Variants in FANCB observed in about 807,000 individuals in gnomAD.
FANCB encodes FA complementation group B.
FANCB carries 5 observed loss-of-function variants against 38.9 expected under a neutral mutation model. The observed-to-expected ratio is 0.13, with a 90% CI of 0.07 to 0.27. FANCB has a LOEUF of 0.27. Among genes scored for constraint, FANCB ranks in the 10% least tolerant of loss-of-function variants. The pLI is 1.00. For missense variants in FANCB, 573 were observed against 602.7 expected (o/e 0.95, Z 0.52); for synonymous variants, 236 against 215.4 (o/e 1.10, Z -0.84).
intron 7 of FANCB, among the ~76,000 whole-genome samples, chrX:14,847,473 G>A (rs1001559497): frequency 3.6e-5 from 4 of 110,811 alleles, no homozygotes; most frequent in Non-Finnish European, 7.6e-5. Flanking sequence ...TGAAAGAGAT[G>A]TTGAGACATA....
At chrX:14,763,505 T>A in the FANCB span, among the ~76,000 whole-genome samples, 1 of 111,756 alleles carries the variant, frequency 8.9e-6, no homozygotes, top group Non-Finnish European at 1.9e-5. Context: ...CAGGGCAGGG[T>A]TACCATTGCA....
the FANCB span, among the ~76,000 whole-genome samples, chrX:14,715,262 G>A: frequency 8.9e-6 from 1 of 112,320 alleles, no homozygotes; most frequent in Non-Finnish European, 1.9e-5. Flanking sequence ...GTTATTGAGT[G>A]ACATTGTTAA....
At chrX:14,756,313 T>G in the FANCB span, among the ~76,000 whole-genome samples, 1 of 111,648 alleles carries the variant, frequency 9.0e-6, no homozygotes, top group African/African-American at 3.3e-5. Context: ...AAAGCAAATA[T>G]AGACAAACAG....
At chrX:14,704,057 T>C in the FANCB span, among the ~76,000 whole-genome samples, 1 of 111,321 alleles carries the variant, frequency 9.0e-6, no homozygotes, top group Non-Finnish European at 1.9e-5. Context: ...CTGAACCCCA[T>C]CCTCGGCCTC....
chrX:14,703,998 T>G, the FANCB span, among the ~76,000 whole-genome samples: 251 of 111,451 alleles, frequency 2.3e-3, no homozygotes, highest in Non-Finnish European at 4.1e-3. Flanking sequence ...AAAAACAAAC[T>G]AAGGTGCAAT....
At chrX:14,809,591 C>G in the FANCB span, among the ~76,000 whole-genome samples, 1 of 112,208 alleles carries the variant, frequency 8.9e-6, no homozygotes, top group African/African-American at 3.2e-5. Context: ...GCACAGCAGT[C>G]TGAGACCAAA....
intron 4 of FANCB, 51 bp downstream of exon 4, chrX:14,859,131 A>G: frequency 1.1e-6 from 1 of 938,247 alleles, no homozygotes. Flanking sequence ...GAGCACTTAA[A>G]TTTTCTAAAA....
chrX:14,750,315 G>A, the FANCB span, among the ~76,000 whole-genome samples: 1 of 111,841 alleles, frequency 8.9e-6, no homozygotes, highest in Non-Finnish European at 1.9e-5. Flanking sequence ...ATGGACGTCT[G>A]TCATTCACTC....
At chrX:14,864,351 T>C (rs1439668662) in intron 3 of FANCB, among the ~76,000 whole-genome samples, 2 of 110,895 alleles carry the variant, frequency 1.8e-5, no homozygotes, top group Non-Finnish European at 3.8e-5. Flanking sequence ...TCAAAGGCTT[T>C]ATGACTCAAA....
chrX:14,734,559 CT>C, the FANCB span, among the ~76,000 whole-genome samples: 1 of 112,049 alleles, frequency 8.9e-6, no homozygotes, highest in Admixed American at 9.5e-5. Flanking sequence ...CCCCCACTCT[CT>C]TCTGGTTTGT....
At chrX:14,796,529 C>T in the FANCB span, among the ~76,000 whole-genome samples, 24 of 91,443 alleles carry the variant, frequency 2.6e-4, no homozygotes, top group African/African-American at 8.4e-4. Flanking sequence ...CATATATAAT[C>T]TATTATATAT....
At chrX:14,870,131 T>C (rs2092488326) in intron 1 of FANCB, among the ~76,000 whole-genome samples, 1 of 112,073 alleles carries the variant, frequency 8.9e-6, no homozygotes, top group Non-Finnish European at 1.9e-5. Flanking sequence ...GAGGTGTAAC[T>C]GCTAAGACAG....
At chrX:14,866,991 C>CA (rs976638588) in intron 2 of FANCB, among the ~76,000 whole-genome samples, 19 of 108,264 alleles carry the variant, frequency 1.8e-4, no homozygotes, top group Admixed American at 3.9e-4. Context: ...ACAAAAGCTA[C>CA]AAAAAAAAAT....
rs2092368529 is a variant in FANCB, at chrX:14,844,698, T to C, written c.1970A>G (p.Lys657Arg). The C allele has an allele frequency of 1.9e-5, 23 of 1,211,157 alleles. No homozygotes were observed. The highest frequency in any genetic ancestry group is 2.6e-5 in the Non-Finnish European group (23 of 894,954). ...GGGTGATGTGATTTGAAAACAAGAT[T>C]TATGGAATGCTGCAAGAAGTGCAAA... Reference protein sequence around the residue: ...DLFALLAAFHKSCFQITSPGY... With the variant: ...DLFALLAAFHRSCFQITSPGY... Residue 657 changes from lysine to arginine, a missense_variant, in exon 9 of 10, where the codon AAA becomes AGA. Physicochemically the swap from Lys to Arg is conservative, Grantham distance 26. Transcript: ENST00000650831.
chrX:14,772,069 T>C, the FANCB span, among the ~76,000 whole-genome samples: 1 of 110,218 alleles, frequency 9.1e-6, no homozygotes, highest in Non-Finnish European at 1.9e-5. Flanking sequence ...GAAGTCTCAG[T>C]CAGTCAGGAG....
At chrX:14,733,018 C>G in the FANCB span, among the ~76,000 whole-genome samples, 2 of 112,054 alleles carry the variant, frequency 1.8e-5, no homozygotes, top group Non-Finnish European at 3.8e-5. Flanking sequence ...TTAGGTCTTA[C>G]GTTTAAGTCT....
chrX:14,763,311 T>A, the FANCB span, among the ~76,000 whole-genome samples: 8 of 112,251 alleles, frequency 7.1e-5, no homozygotes, highest in Admixed American at 6.6e-4. Flanking sequence ...AAATGTGGTA[T>A]CTTCTAAAAA....
chrX:14,717,930 T>G, the FANCB span, among the ~76,000 whole-genome samples: 6 of 111,079 alleles, frequency 5.4e-5, no homozygotes, highest in Non-Finnish European at 1.1e-4. Context: ...AGAGGAGAGA[T>G]AGGCTGATGA....
At chrX:14,843,283 G>A (rs1329013385), downstream of FANCB, 4 of 262,853 alleles carry the variant, frequency 1.5e-5, no homozygotes, top group Middle Eastern at 1.1e-3. Flanking sequence ...TCCACTAGAT[G>A]CCCATAGCAC....
Sources: gnomAD v4.1 joint callset for allele counts (sites outside exome capture counted in the v4.1 genomes callset) on GRCh38, gnomAD v4.1.1 for gene constraint, MANE v1.5 for transcripts, NCBI Gene and HGNC (gene_info 2026-07-23, HGNC 2026-07-21) for gene names.